CNTN4: variants seen among roughly 807,000 people sequenced by gnomAD.
The protein encoded by CNTN4 is contactin 4, also known as contactin-4.
A neutral mutation model predicts 122.5 loss-of-function variants in CNTN4; 77 were observed. The ratio of observed to expected loss-of-function variants is 0.63; its 90% CI spans 0.52 to 0.76. CNTN4 has a LOEUF of 0.76. CNTN4 is among the 30% of genes least tolerant of loss of function. The pLI, the probability that CNTN4 is intolerant of heterozygous loss-of-function variation, is 0.00. For missense variants in CNTN4, 1,256 were observed against 1,259.1 expected, an observed-to-expected ratio of 1.00 and a Z score of 0.04; for synonymous variants, 512 against 447.0, an observed-to-expected ratio of 1.15 and a Z score of -1.83.
intron 3 of CNTN4, among the ~76,000 whole-genome samples, chr3:2,460,221 G>A (rs2049155564): frequency 6.6e-6 from 1 of 152,028 alleles, no homozygotes; most frequent in African/African-American, 2.4e-5. Flanking sequence ...GCTCTTTTCT[G>A]GTATCCCTAG....
intron 14 of CNTN4, among the ~76,000 whole-genome samples, chr3:3,002,880 T>C (rs1264944480): frequency 1.3e-5 from 2 of 152,224 alleles, no homozygotes; most frequent in Non-Finnish European, 2.9e-5. Flanking sequence ...CATCAGGTTA[T>C]GGTCACTCAA....
intron 2 of CNTN4, among the ~76,000 whole-genome samples, chr3:2,102,357 T>C (rs1559242197): frequency 6.6e-6 from 1 of 152,166 alleles, no homozygotes. Context: ...TTTCTTTAGG[T>C]ATAAAATTGG....
At chr3:2,533,615 T>C (rs1438699258) in intron 3 of CNTN4, among the ~76,000 whole-genome samples, 1 of 152,218 alleles carries the variant, frequency 6.6e-6, no homozygotes, top group Non-Finnish European at 1.5e-5. Context: ...TGTATCTTTA[T>C]AGCAGCATGA....
intron 2 of CNTN4, among the ~76,000 whole-genome samples, chr3:2,330,311 C>G (rs1032204128): frequency 9.2e-5 from 14 of 152,202 alleles, no homozygotes; most frequent in African/African-American, 3.4e-4. Flanking sequence ...CATGGAAGCT[C>G]TCCAGTTGCA....
intron 13 of CNTN4, among the ~76,000 whole-genome samples, chr3:2,945,057 T>A (rs1304411915): frequency 6.6e-6 from 1 of 152,144 alleles, no homozygotes; most frequent in Non-Finnish European, 1.5e-5. Flanking sequence ...GTTCCCCGTT[T>A]CAGGGGGTAA....
intron 4 of CNTN4, among the ~76,000 whole-genome samples, chr3:2,633,083 T>C (rs2150052486): frequency 6.6e-6 from 1 of 151,826 alleles, no homozygotes; most frequent in Non-Finnish European, 1.5e-5. Context: ...TCAAGTTGAT[T>C]TTTATAAATA....
intron 6 of CNTN4, among the ~76,000 whole-genome samples, chr3:2,792,337 G>C (rs2092038016): frequency 6.6e-6 from 1 of 152,062 alleles, no homozygotes; most frequent in Non-Finnish European, 1.5e-5. Context: ...TCGTGATAAT[G>C]GCTTAATATA....
chr3:2,335,089 T>C (rs2043889497), intron 2 of CNTN4, among the ~76,000 whole-genome samples: 1 of 152,166 alleles, frequency 6.6e-6, no homozygotes, highest in Non-Finnish European at 1.5e-5. Flanking sequence ...AAATTGCGAG[T>C]ACATTTATGT....
intron 3 of CNTN4, among the ~76,000 whole-genome samples, chr3:2,557,102 C>A (rs1056338904): frequency 6.6e-6 from 1 of 152,148 alleles, no homozygotes; most frequent in Admixed American, 6.5e-5. Flanking sequence ...TTCATGTTAT[C>A]ACTAATTAGG....
At chr3:2,206,831 TAC>T (rs1025077998) in intron 2 of CNTN4, among the ~76,000 whole-genome samples, 1 of 151,946 alleles carries the variant, frequency 6.6e-6, no homozygotes, top group African/African-American at 2.4e-5. Context: ...AATACAGGGA[TAC>T]CTCATCCGAT....
chr3:2,586,107 T>C (rs565495942), intron 4 of CNTN4, among the ~76,000 whole-genome samples: 15 of 152,254 alleles, frequency 9.9e-5, no homozygotes, highest in African/African-American at 3.6e-4. Context: ...TACCTCTGTA[T>C]TATAGATGGG....
At position 2,613,481 on chromosome 3, in the gene CNTN4, T is replaced by C. The variant is rs184617128; in HGVS notation, c.55+41923T>C. ...AGAGATTAAATATTGATTAGGTAGG[T>C]GCTGCAACATATTTGTTCATTAATG... On this transcript the variant is annotated intron_variant, in intron 4 of 24. Transcript: ENST00000418658. Among the ~76,000 whole-genome samples, 529 of 152,206 alleles carry C rather than the reference T, an allele frequency of 3.5e-3. 2 individuals are homozygous for C. The highest frequency in any genetic ancestry group is 5.4e-3 in the Admixed American group (83 of 15,266).
intron 2 of CNTN4, among the ~76,000 whole-genome samples, chr3:2,243,098 C>T (rs1035545990): frequency 2.0e-5 from 3 of 152,100 alleles, no homozygotes; most frequent in Non-Finnish European, 4.4e-5. Context: ...TACTTCCATA[C>T]TTAGCAAGTA....
chr3:2,568,370 T>G (rs1472815957), intron 3 of CNTN4, among the ~76,000 whole-genome samples: 1 of 145,964 alleles, frequency 6.9e-6, no homozygotes, highest in East Asian at 2.2e-4. Context: ...GTTATTCATC[T>G]CCTCCTGGCT....
rs921341403 is a variant in CNTN4, at chr3:2,841,597, G to T, written c.454+22016G>T. ...ATTTGGCCATTGGCTTCGGGATTTG[G>T]TTATTTCCTCAACCCTTTGTGAAGA... On this transcript the variant is annotated intron_variant, in intron 7 of 24. Coordinates refer to ENST00000418658, the MANE Select transcript of CNTN4 (RefSeq NM_175607.3). The surrounding 1 kb of genome is among the most constrained non-coding windows in gnomAD (Gnocchi z 4.8). 3.3e-5 allele frequency among the ~76,000 whole-genome samples: 5 copies of T among 152,188 alleles called. No individual in the cohort carries two copies. Among genetic ancestry groups the T allele is most frequent in the African/African-American group, 1.2e-4 (5 of 41,446 alleles).
chr3:2,449,528 C>T (rs2048746602), intron 3 of CNTN4, among the ~76,000 whole-genome samples: 1 of 150,962 alleles, frequency 6.6e-6, no homozygotes. Context: ...GGCAAGTGAA[C>T]TGCTTGAACC....
intron 3 of CNTN4, among the ~76,000 whole-genome samples, chr3:2,413,347 T>G (rs1216340033): frequency 1.3e-5 from 2 of 152,248 alleles, no homozygotes; most frequent in African/African-American, 4.8e-5. Flanking sequence ...ATTACTGCTG[T>G]GAATAACAAA....
chr3:2,643,882 G>A (rs1242499533), intron 4 of CNTN4, among the ~76,000 whole-genome samples: 1 of 152,098 alleles, frequency 6.6e-6, no homozygotes, highest in Non-Finnish European at 1.5e-5. Flanking sequence ...AGCTTCTCTG[G>A]CAGCTGCTTC....
chr3:2,928,095 A>G (rs1181329387), intron 13 of CNTN4, among the ~76,000 whole-genome samples: 7 of 152,268 alleles, frequency 4.6e-5, no homozygotes, highest in Non-Finnish European at 1.0e-4. Flanking sequence ...ATGGAGACAC[A>G]GGTCAGGTGC....
Sources: allele counts gnomAD v4.1 joint callset (sites outside exome capture counted in the v4.1 genomes callset), GRCh38; gene constraint gnomAD v4.1.1; non-coding constraint Gnocchi (gnomAD v3.1); transcripts MANE v1.5; gene names NCBI Gene and HGNC (gene_info 2026-07-23, HGNC 2026-07-21).